HHIPL1: variants seen among roughly 807,000 people sequenced by gnomAD.
The protein encoded by HHIPL1 is HHIP like 1, also known as HHIP-like protein 1.
A neutral mutation model predicts 61.8 loss-of-function variants in HHIPL1; 43 were observed. That is an observed-to-expected ratio of 0.70 (90% CI 0.55 to 0.90). The LOEUF is 0.90. Ranked by LOEUF, HHIPL1 falls within the 40% of genes least tolerant of loss-of-function variation. The probability of loss-of-function intolerance (pLI) is 0.00; values close to 1 mark genes in which losing one functional copy is unlikely to be tolerated. For synonymous variants in HHIPL1, 482 were observed against 515.8 expected (o/e 0.93, Z 0.89); for missense variants, 1,056 against 1,157.7 (o/e 0.91, Z 1.28).
chr14:99,641,027 C>T (rs182664100), upstream of HHIPL1, among the ~76,000 whole-genome samples: 21 of 151,886 alleles, frequency 1.4e-4, no homozygotes, highest in East Asian at 3.3e-3. Flanking sequence ...GCTGGGATTA[C>T]AGGCATCCGC....
chr14:99,605,362 C>A, the HHIPL1 span, among the ~76,000 whole-genome samples: 3 of 136,252 alleles, frequency 2.2e-5, no homozygotes, highest in African/African-American at 8.0e-5. Context: ...GCGCGTCTAC[C>A]GCCAGCAGGC....
the HHIPL1 span, among the ~76,000 whole-genome samples, chr14:99,629,510 A>AT: frequency 0.58 from 85,148 of 148,052 alleles, 25,519 homozygotes; most frequent in South Asian, 0.73. Context: ...AGACTTCCTG[A>AT]TTTTTTTTTT....
At chr14:99,640,874 C>CTTTT (rs1178661799), upstream of HHIPL1, among the ~76,000 whole-genome samples, 32 of 93,916 alleles carry the variant, frequency 3.4e-4, no homozygotes, top group African/African-American at 7.7e-4. Context: ...TTTACTTCTT[C>CTTTT]TTCTTTTTTT....
intron 2 of HHIPL1, among the ~76,000 whole-genome samples, chr14:99,654,197 AAAAAAAAAAAAG>A (rs1233245313): frequency 6.6e-6 from 1 of 151,438 alleles, no homozygotes; most frequent in Non-Finnish European, 1.5e-5. Context: ...TCAAAAAAAA[AAAAAAAAAAAAG>A]AAAAAAGAAA....
At chr14:99,649,969 A>G (rs187798941) in intron 1 of HHIPL1, among the ~76,000 whole-genome samples, 122 of 152,338 alleles carry the variant, frequency 8.0e-4, no homozygotes, top group African/African-American at 2.8e-3. Flanking sequence ...AGGCCTGGCC[A>G]TCTGGCCTGC....
chr14:99,610,371 C>T, the HHIPL1 span, among the ~76,000 whole-genome samples: 1 of 152,208 alleles, frequency 6.6e-6, no homozygotes, highest in East Asian at 1.9e-4. Flanking sequence ...CTCCTGGTCA[C>T]AGGTCCCAGC....
intron 7 of HHIPL1, among the ~76,000 whole-genome samples, chr14:99,670,143 GCT>G (rs2056311241): frequency 7.0e-6 from 1 of 143,860 alleles, no homozygotes; most frequent in South Asian, 2.2e-4. Context: ...ACGGAGTCTT[GCT>G]CTGTCTCCCA....
At chr14:99,632,739 C>T in the HHIPL1 span, among the ~76,000 whole-genome samples, 1 of 152,174 alleles carries the variant, frequency 6.6e-6, no homozygotes, top group African/African-American at 2.4e-5. Flanking sequence ...ACTGAAGTCT[C>T]TCCCTTTGTG....
chr14:99,659,105 C>A (rs2140072707), intron 3 of HHIPL1, among the ~76,000 whole-genome samples: 1 of 152,274 alleles, frequency 6.6e-6, no homozygotes, highest in Non-Finnish European at 1.5e-5. Context: ...TCCGCTGCCA[C>A]ATCTGTAAAG....
At chr14:99,643,022 T>C (rs1480092964), upstream of HHIPL1, among the ~76,000 whole-genome samples, 2 of 151,986 alleles carry the variant, frequency 1.3e-5, no homozygotes, top group African/African-American at 4.8e-5. Context: ...AGGCTGGCTC[T>C]GATGCTCCTT....
chr14:99,666,745 C>T (rs941412729), intron 6 of HHIPL1, among the ~76,000 whole-genome samples: 6 of 152,308 alleles, frequency 3.9e-5, no homozygotes, highest in Admixed American at 3.9e-4. Context: ...GGACATTCCA[C>T]CCGGGGACCC....
At chr14:99,626,324 C>T in the HHIPL1 span, among the ~76,000 whole-genome samples, 1 of 151,898 alleles carries the variant, frequency 6.6e-6, no homozygotes. Flanking sequence ...TCTGAGACTG[C>T]AGGGAGCCTG....
rs376403435 is a variant in HHIPL1 at position 99,648,207 on chromosome 14, GC to G, written c.255+2747del. The stretch of plus-strand genomic sequence containing the variant: ...ATTCCTCAAGGAGTGTAGGAACAAG[GC>G]CACATACCTCAGGGAAGGCTTCCTG... On this transcript the variant is annotated intron_variant, in intron 1 of 8. Coordinates refer to ENST00000330710, the MANE Select transcript of HHIPL1 (RefSeq NM_001127258.3). Among the ~76,000 whole-genome samples the G allele has an allele frequency of 5.3e-5, 8 of 152,228 alleles. No homozygotes were observed. The East Asian group carries it at 1.5e-3, about 29-fold the overall frequency.
rs1233599308 is a variant in HHIPL1, at chr14:99,660,257, C to T, written c.1376-23C>T. 6.2e-7 allele frequency: 1 copy of T among 1,613,874 alleles called. No homozygotes were observed. The highest frequency in any genetic ancestry group is 8.5e-7 in the Non-Finnish European group (1 of 1,179,926). ...CCTTCCCGCCGCTGGCTCACCGAAGCTTCTCTCCCTCCCACCCCGCAGATG... is the reference window on the plus strand; with the variant it reads ...CCTTCCCGCCGCTGGCTCACCGAAGTTTCTCTCCCTCCCACCCCGCAGATG... On this transcript the variant is annotated intron_variant, in intron 4 of 8. Transcript: ENST00000330710. This position sits in a 1 kb window ranked among gnomAD's most constrained non-coding sequence, Gnocchi z 4.9.
chr14:99,675,696 C>G lies in HHIPL1; in HGVS notation c.*70C>G. ...GGCAGGGGCCGCTCCGCCCTGTGTG[C>G]GCCCAGCGGGTGCACACGTGTTCTA... is the stretch of plus-strand genomic sequence containing the variant. On this transcript the variant is annotated 3_prime_UTR_variant, in exon 9 of 9. Coordinates refer to ENST00000330710, the MANE Select transcript of HHIPL1 (RefSeq NM_001127258.3). The surrounding 1 kb of genome is among the most constrained non-coding windows in gnomAD (Gnocchi z 5.4). 7.1e-7 allele frequency: 1 copy of G among 1,403,462 alleles called. No individual in the cohort carries two copies. Among genetic ancestry groups the G allele is most frequent in the Non-Finnish European group, 9.4e-7 (1 of 1,066,492 alleles). 86.9% of individuals were successfully genotyped at this position (1,403,462 alleles called of 1,614,324 possible).
rs2056133790 is a variant in HHIPL1, at chr14:99,660,429, G to A, written c.1502+23G>A. The stretch of plus-strand genomic sequence containing the variant: ...CGGGTAAGTGACCTAGTGCCCTCGC[G>A]CCCCTGGCTGCTGCCACTGGCTCCT... On this transcript the variant is annotated intron_variant, in intron 5 of 8. Coordinates refer to ENST00000330710, the MANE Select transcript of HHIPL1 (RefSeq NM_001127258.3). The surrounding 1 kb of genome is among the most constrained non-coding windows in gnomAD (Gnocchi z 4.9). 1.3e-6 allele frequency: 2 copies of A among 1,599,406 alleles called. No homozygotes were observed. The highest frequency in any genetic ancestry group is 1.7e-6 in the Non-Finnish European group (2 of 1,170,036).
chr14:99,670,680 T>C (rs937176488), intron 7 of HHIPL1, among the ~76,000 whole-genome samples: 3 of 152,202 alleles, frequency 2.0e-5, no homozygotes, highest in Admixed American at 6.5e-5. Context: ...TTGTTATCTA[T>C]GCAGCGCCAG....
At chr14:99,671,181 A>G (rs1384974152) in intron 7 of HHIPL1, among the ~76,000 whole-genome samples, 1 of 152,214 alleles carries the variant, frequency 6.6e-6, no homozygotes, top group African/African-American at 2.4e-5. Context: ...GTACATTTGG[A>G]AAATGAAATA....
the HHIPL1 span, among the ~76,000 whole-genome samples, chr14:99,636,756 G>T: frequency 1.3e-5 from 2 of 151,950 alleles, no homozygotes; most frequent in Middle Eastern, 3.2e-3. Context: ...GGGAGGCCGA[G>T]GGGGGAGAAT....
Sources: allele counts gnomAD v4.1 joint callset (sites outside exome capture counted in the v4.1 genomes callset), GRCh38; gene constraint gnomAD v4.1.1; non-coding constraint Gnocchi (gnomAD v3.1); transcripts MANE v1.5; gene names NCBI Gene and HGNC (gene_info 2026-07-23, HGNC 2026-07-21).